The following ASTL variants were observed in gnomAD, a reference collection of about 807,000 sequenced individuals.
ASTL encodes the protein astacin like metalloendopeptidase.
A neutral mutation model predicts 36.7 loss-of-function variants in ASTL; 27 were observed. The ratio of observed to expected loss-of-function variants is 0.73; its 90% CI spans 0.54 to 1.01. ASTL has a LOEUF of 1.01. ASTL is among the 50% of genes least tolerant of loss of function. The probability of loss-of-function intolerance (pLI) is 0.00; values close to 1 mark genes in which losing one functional copy is unlikely to be tolerated. For missense variants in ASTL, 524 were observed against 572.8 expected (o/e 0.91, Z 0.87); for synonymous variants, 222 against 228.1 (o/e 0.97, Z 0.24).
intron 2 of ASTL, among the ~76,000 whole-genome samples, chr2:96,136,830 C>G (rs949419602): frequency 3.9e-5 from 6 of 152,304 alleles, no homozygotes; most frequent in African/African-American, 1.4e-4. Context: ...CATCCCCAGA[C>G]AGCAAGGCCC....
rs151258715 is a variant in ASTL, at chr2:96,127,406, A to C, written c.874+2418T>G. Among the ~76,000 whole-genome samples the C allele has an allele frequency of 2.4e-4, 36 of 152,310 alleles. 1 individual carries two copies. The East Asian group carries it at 6.8e-3, about 29-fold the overall frequency. On this transcript the variant is annotated intron_variant, in intron 8 of 8. Transcript: ENST00000342380. ...GTCTAGCATTTCCATTCATCACTCTATATCCTTAACAGTATTTGGTATTAT... is the reference window on the plus strand; with the variant it reads ...GTCTAGCATTTCCATTCATCACTCTCTATCCTTAACAGTATTTGGTATTAT...
intron 2 of ASTL, among the ~76,000 whole-genome samples, chr2:96,136,035 C>T (rs1682292742): frequency 6.6e-6 from 1 of 152,224 alleles, no homozygotes; most frequent in South Asian, 2.1e-4. Context: ...CCATCAGAGG[C>T]AGGCAAATAC....
chr2:96,130,125 T>C lies in ASTL; in HGVS notation c.658A>G (p.Lys220Glu). The change falls in exon 7 of 9, where the codon AAG (lysine) becomes GAG (glutamate). Residue 220 changes from lysine to glutamate, a missense_variant. Coordinates refer to ENST00000342380, the MANE Select transcript of ASTL (RefSeq NM_001002036.4). ...GTCAGCATGTTGCTGCTCTGAGACT[T>C]GATGAAGTTGATTTCAAAGCCTAAA... ...ILPGFEINFIKSQSSNMLTPY... is the reference protein window; with the variant it reads ...ILPGFEINFIESQSSNMLTPY... 1 of 1,613,588 alleles carries C rather than the reference T, an allele frequency of 6.2e-7. No homozygotes were observed. The highest frequency in any genetic ancestry group is 8.5e-7 in the Non-Finnish European group (1 of 1,179,500).
chr2:96,138,397 G>A lies in ASTL; in HGVS notation c.40C>T (p.Leu14=). 1 of 1,610,610 alleles carries A rather than the reference G, an allele frequency of 6.2e-7. No homozygotes were observed. Among genetic ancestry groups the A allele is most frequent in the Non-Finnish European group, 8.5e-7 (1 of 1,178,528 alleles). ...GCCAGCTTACCTGGCAAGGAGAGCA[G>A]ACCCAGCACCCAAGGCCAGAGACCC... The part of the protein sequence containing the change: ...VGGLWPWVLG[L]LSLPGVILGA... Residue 14 remains leucine (L), a synonymous_variant, in exon 1 of 9, where the codon CTG becomes TTG. Transcript: ENST00000342380.
intron 2 of ASTL, 26 bp from the exon 3 acceptor site, chr2:96,135,438 G>A (rs1309630911): frequency 1.2e-6 from 2 of 1,611,104 alleles, no homozygotes; most frequent in Non-Finnish European, 1.7e-6. Context: ...GGACGTGTTG[G>A]CCCATGTCCC....
At chr2:96,126,236 T>C (rs1682061287) in intron 8 of ASTL, among the ~76,000 whole-genome samples, 3 of 152,004 alleles carry the variant, frequency 2.0e-5, no homozygotes, top group Admixed American at 1.3e-4. Flanking sequence ...ACAAAAAACA[T>C]AGGAAGTGAT....
At chr2:96,134,310 G>A (rs1682251626) in intron 3 of ASTL, among the ~76,000 whole-genome samples, 2 of 152,246 alleles carry the variant, frequency 1.3e-5, no homozygotes, top group African/African-American at 4.8e-5. Flanking sequence ...CAAGAGATTA[G>A]TCCCTGAGGA....
chr2:96,137,914 A>T, intron 1 of ASTL: 1 of 547,386 alleles, frequency 1.8e-6, no homozygotes, highest in Non-Finnish European at 3.3e-6. Context: ...GAGCTCCCTT[A>T]GGGGGACCAA....
At position 96,129,995 on chromosome 2, in the gene ASTL, G is replaced by A; in HGVS notation, c.720-17C>T. On this transcript the variant is annotated splice_polypyrimidine_tract_variant and intron_variant, in intron 7 of 8. Transcript: ENST00000342380. ...AAGGCGAGCCTGGAACCCAGCGGGAGACCCCTGAGTCCAGATCACCACGGG... is the reference window on the plus strand; with the variant it reads ...AAGGCGAGCCTGGAACCCAGCGGGAAACCCCTGAGTCCAGATCACCACGGG... 6.2e-7 allele frequency: 1 copy of A among 1,606,742 alleles called. No homozygotes were observed. The highest frequency in any genetic ancestry group is 8.5e-7 in the Non-Finnish European group (1 of 1,173,848).
In ASTL at chr2:96,124,694, G is replaced by A. The variant is rs187717300; in HGVS notation, c.875-423C>T. Among the ~76,000 whole-genome samples, 15 of 152,228 alleles carry A rather than the reference G, an allele frequency of 9.9e-5. No homozygotes were observed. Among genetic ancestry groups the A allele is most frequent in the African/African-American group, 2.4e-4 (10 of 41,526 alleles). On this transcript the variant is annotated intron_variant, in intron 8 of 8. Coordinates refer to ENST00000342380, the MANE Select transcript of ASTL (RefSeq NM_001002036.4). The surrounding 1 kb of genome is among the most constrained non-coding windows in gnomAD (Gnocchi z 4.1). ...AATGGCCACATCTAAACCCTGCACCGTGCCAGGAGGTAGGTTGGGGCTTCC... is the reference window on the plus strand; with the variant it reads ...AATGGCCACATCTAAACCCTGCACCATGCCAGGAGGTAGGTTGGGGCTTCC...
At chr2:96,136,480 G>A (rs1374636334) in intron 2 of ASTL, among the ~76,000 whole-genome samples, 1 of 152,254 alleles carries the variant, frequency 6.6e-6, no homozygotes, top group Non-Finnish European at 1.5e-5. Flanking sequence ...GTAGGTGATA[G>A]GATAGTTGTT....
At chr2:96,134,084 C>A (rs746605320) in intron 3 of ASTL, 26 bp from the exon 4 acceptor site, 1 of 1,562,058 alleles carries the variant, frequency 6.4e-7, no homozygotes, top group South Asian at 1.1e-5. Context: ...CAGTTCAACC[C>A]CTGGGGACAG....
intron 3 of ASTL, among the ~76,000 whole-genome samples, chr2:96,134,875 T>A (rs1682263681): frequency 6.6e-6 from 1 of 152,158 alleles, no homozygotes; most frequent in South Asian, 2.1e-4. Context: ...GGCGCCCCAA[T>A]CCCCAGCAAC....
rs1374574629 is a variant in ASTL at position 96,124,131 on chromosome 2, G to A, written c.1015C>T (p.Pro339Ser). 6.3e-7 allele frequency: 1 copy of A among 1,586,424 alleles called. No homozygotes were observed. Among genetic ancestry groups the A allele is most frequent in the East Asian group, 2.2e-5 (1 of 44,560 alleles). ...TCCCACCCATGTGGGCTCTCCCCAG[G>A]CCCTGCAGGAACGGGCTGGCCTCCC... The part of the protein sequence containing the change: ...SAGGQPVPAG[P>S]GESPHGWESP... Residue 339 changes from proline to serine, a missense_variant, in exon 9 of 9, where the codon CCT becomes TCT. Physicochemically the swap from Pro to Ser is moderately conservative, Grantham distance 74. Transcript: ENST00000342380. The surrounding 1 kb of genome is among the most constrained non-coding windows in gnomAD (Gnocchi z 4.1).
At chr2:96,138,333 C>G (rs1463512478) in intron 1 of ASTL, 49 bp downstream of exon 1, 2 of 1,551,344 alleles carry the variant, frequency 1.3e-6, no homozygotes, top group Non-Finnish European at 1.8e-6. Context: ...CTCTCCCCAG[C>G]TTTCTCCAGG....
At chr2:96,135,144 C>T (rs1056753784) in intron 3 of ASTL, among the ~76,000 whole-genome samples, 8 of 152,284 alleles carry the variant, frequency 5.3e-5, no homozygotes, top group African/African-American at 1.9e-4. Context: ...TGTGCCAGCA[C>T]TTCAGATACC....
rs574018364 is a variant in ASTL at position 96,124,533 on chromosome 2, G to C, written c.875-262C>G. Among the ~76,000 whole-genome samples, 28 of 152,060 alleles carry C rather than the reference G, an allele frequency of 1.8e-4. No individual in the cohort carries two copies. The highest frequency in any genetic ancestry group is 3.7e-4 in the Non-Finnish European group (25 of 68,000). On this transcript the variant is annotated intron_variant, in intron 8 of 8. Coordinates refer to ENST00000342380, the MANE Select transcript of ASTL (RefSeq NM_001002036.4). The surrounding 1 kb of genome is among the most constrained non-coding windows in gnomAD (Gnocchi z 4.1). ...CACTGCCCCATTCACACCCGAGACT[G>C]CTGGGACACTTAAGTCACCTGACCC...
intron 3 of ASTL, 36 bp from the exon 4 acceptor site, chr2:96,134,094 G>C (rs143027302): frequency 6.8e-7 from 1 of 1,477,300 alleles, no homozygotes; most frequent in East Asian, 2.3e-5. Context: ...CCTGGGGACA[G>C]AGGCCACCCA....
Position 96,132,473 on chromosome 2 carries a change from C to T in ASTL, c.637+67G>A, listed in dbSNP as rs367836103. 2.7e-5 allele frequency: 39 copies of T among 1,451,774 alleles called. No homozygotes were observed. Among genetic ancestry groups the T allele is most frequent in the South Asian group, 1.5e-4 (11 of 74,172 alleles). The allele number at this position is 1,451,774 out of a possible 1,614,324, so 89.9% of individuals were successfully genotyped here. A position where few individuals can be genotyped will look rare whatever the true frequency, so the allele number is the denominator to read the frequency against. ...GATAGCCTCACCCATGGGGACCAGGCGACTTGGGCCCAAGCCGTGCTGTCC... is the reference window on the plus strand; with the variant it reads ...GATAGCCTCACCCATGGGGACCAGGTGACTTGGGCCCAAGCCGTGCTGTCC... On this transcript the variant is annotated intron_variant, in intron 6 of 8. Transcript: ENST00000342380. This position sits in a 1 kb window ranked among gnomAD's most constrained non-coding sequence, Gnocchi z 5.4.
Sources: gnomAD v4.1 joint callset for allele counts (sites outside exome capture counted in the v4.1 genomes callset) on GRCh38, gnomAD v4.1.1 for gene constraint, Gnocchi (gnomAD v3.1) non-coding constraint, MANE v1.5 for transcripts, NCBI Gene and HGNC (gene_info 2026-07-23, HGNC 2026-07-21) for gene names.